Variants in AP2B1 observed in about 807,000 individuals in gnomAD.
AP2B1 encodes the protein adaptor related protein complex 2 subunit beta 1, also known as AP-2 complex subunit beta.
AP2B1 carries 23 observed loss-of-function variants against 102.0 expected under a neutral mutation model. The observed-to-expected ratio is 0.23, with a 90% CI of 0.16 to 0.32. The LOEUF (loss-of-function observed/expected upper bound fraction) is 0.32, where lower values mean the gene tolerates loss of function less well. Among genes scored for constraint, AP2B1 ranks in the 10% least tolerant of loss-of-function variants. The probability of loss-of-function intolerance (pLI) is 1.00; values close to 1 mark genes in which losing one functional copy is unlikely to be tolerated. For missense variants in AP2B1, 541 were observed against 1,157.4 expected, an observed-to-expected ratio of 0.47 and a Z score of 7.73; for synonymous variants, 381 against 421.2, an observed-to-expected ratio of 0.90 and a Z score of 1.17.
At chr17:35,639,825 C>T (rs1259217484) in intron 11 of AP2B1, 65 bp downstream of exon 11, 3 of 1,473,322 alleles carry the variant, frequency 2.0e-6, no homozygotes, top group Non-Finnish European at 1.9e-6. Flanking sequence ...TCAGAGAAAG[C>T]AAAGGTTATA....
In AP2B1 at chr17:35,653,351, CCTA is replaced by C. The variant is rs1224024153; in HGVS notation, c.1796+2564_1796+2566del. On this transcript the variant is annotated intron_variant, in intron 13 of 21. Coordinates refer to ENST00000610402, the MANE Select transcript of AP2B1 (RefSeq NM_001030006.2). ...CTTAATCCCCTGTTTTTACCACCAT[CCTA>C]CACTGACCCACACCCTCATGATTTC... 6.6e-5 allele frequency among the ~76,000 whole-genome samples: 10 copies of C among 152,278 alleles called. No homozygotes were observed. The East Asian group carries it at 1.9e-3, about 29-fold the overall frequency.
chr17:35,669,344 A>G (rs2075538863), intron 14 of AP2B1, among the ~76,000 whole-genome samples: 2 of 152,064 alleles, frequency 1.3e-5, no homozygotes, highest in African/African-American at 4.8e-5. Context: ...GGATTTCACC[A>G]TGTTGGCCAG....
Position 35,591,671 on chromosome 17 carries a change from T to C in AP2B1, c.-23-2337T>C, listed in dbSNP as rs181941808. 2.0e-3 allele frequency among the ~76,000 whole-genome samples: 308 copies of C among 152,362 alleles called. 1 individual carries two copies. Among genetic ancestry groups the C allele is most frequent in the Non-Finnish European group, 3.1e-3 (209 of 68,034 alleles). ...AGTAATCGTTTCTGTTTACTGGTTTTTCTGTTTGTATATATACATTCATAA... is the reference window on the plus strand; with the variant it reads ...AGTAATCGTTTCTGTTTACTGGTTTCTCTGTTTGTATATATACATTCATAA... On this transcript the variant is annotated intron_variant, in intron 1 of 21. Transcript: ENST00000610402.
In AP2B1 at chr17:35,624,412, G is replaced by C; in HGVS notation, c.541G>C (p.Val181Leu). Residue 181 changes from valine to leucine, a missense_variant, in exon 6 of 22, where the codon GTA becomes CTA. Around this residue, in one of 10 missense-constraint regions of AP2B1, gnomAD observed 134 missense variants for 250.2 expected, o/e 0.54. Coordinates refer to ENST00000610402, the MANE Select transcript of AP2B1 (RefSeq NM_001030006.2). The part of the protein sequence containing the change: ...DSNPMVVANA[V>L]AALSEISESH... ...TCTTTTCCAGGTGGTGGCTAATGCC[G>C]TAGCGGCATTATCTGAAATCAGTGA... 6.2e-7 allele frequency: 1 copy of C among 1,614,078 alleles called. No individual in the cohort carries two copies. The highest frequency in any genetic ancestry group is 1.1e-5 in the South Asian group (1 of 91,058).
intron 16 of AP2B1, among the ~76,000 whole-genome samples, chr17:35,673,499 A>G (rs1031506249): frequency 6.6e-6 from 1 of 151,846 alleles, no homozygotes; most frequent in Non-Finnish European, 1.5e-5. Context: ...AAATTTTTTT[A>G]TCTTTATTTT....
chr17:35,671,625 C>G, intron 15 of AP2B1, 129 bp from the exon 16 acceptor site: 1 of 933,874 alleles, frequency 1.1e-6, no homozygotes, highest in Non-Finnish European at 1.6e-6. Context: ...TAATTTGACT[C>G]CTAAGAATAT....
intron 5 of AP2B1, among the ~76,000 whole-genome samples, chr17:35,608,824 A>T (rs1401976521): frequency 6.6e-6 from 1 of 152,204 alleles, no homozygotes; most frequent in African/African-American, 2.4e-5. Flanking sequence ...CTAGGGCAAG[A>T]TTATTTTTAG....
intron 5 of AP2B1, among the ~76,000 whole-genome samples, chr17:35,617,228 G>A (rs1468825215): frequency 6.6e-6 from 1 of 152,086 alleles, no homozygotes; most frequent in Non-Finnish European, 1.5e-5. Flanking sequence ...GCTAAGTTTT[G>A]TATTTTTAGT....
Position 35,605,715 on chromosome 17 carries a change from C to A in AP2B1, c.154C>A (p.Pro52Thr). 1 of 1,610,538 alleles carries A rather than the reference C, an allele frequency of 6.2e-7. No homozygotes were observed. Among genetic ancestry groups the A allele is most frequent in the South Asian group, 1.1e-5 (1 of 90,384 alleles). The change falls in exon 4 of 22, where the codon CCA becomes ACA. Residue 52 changes from proline to threonine, a missense_variant. Transcript: ENST00000610402. ...ACCCTCTCTTCTCAGTTCTCTCTTT[C>A]CAGACGTAGTGAACTGTATGCAGAC... Reference protein sequence around the residue: ...TVGKDVSSLFPDVVNCMQTDN... With the variant: ...TVGKDVSSLFTDVVNCMQTDN...
At chr17:35,623,945 TGTA>T (rs569749848) in intron 5 of AP2B1, among the ~76,000 whole-genome samples, 154 of 152,282 alleles carry the variant, frequency 1.0e-3, no homozygotes, top group Non-Finnish European at 1.7e-3. Context: ...CTCTAAGACT[TGTA>T]GTATGATTAA....
intron 2 of AP2B1, among the ~76,000 whole-genome samples, chr17:35,597,517 T>C (rs997760506): frequency 1.4e-4 from 21 of 152,198 alleles, no homozygotes; most frequent in African/African-American, 5.1e-4. Flanking sequence ...TCTTGTTTGA[T>C]TGAATAGCAA....
chr17:35,664,380 A>G (rs1365804881), intron 14 of AP2B1, among the ~76,000 whole-genome samples: 1 of 152,172 alleles, frequency 6.6e-6, no homozygotes, highest in Non-Finnish European at 1.5e-5. Flanking sequence ...CAGCCTCCCA[A>G]GTAGCTGGGA....
At chr17:35,610,787 G>A (rs1439120554) in intron 5 of AP2B1, among the ~76,000 whole-genome samples, 1 of 151,798 alleles carries the variant, frequency 6.6e-6, no homozygotes, top group Non-Finnish European at 1.5e-5. Flanking sequence ...GGCGCCTATC[G>A]TCCCAGCTAC....
chr17:35,626,929 C>A, intron 7 of AP2B1, 87 bp downstream of exon 7: 1 of 1,267,936 alleles, frequency 7.9e-7, no homozygotes. Context: ...TAGTGTTAAT[C>A]TCTTTTTAAT....
intron 14 of AP2B1, among the ~76,000 whole-genome samples, chr17:35,662,106 C>T (rs113522561): frequency 0.01 from 1,541 of 152,162 alleles, 20 homozygotes; most frequent in African/African-American, 0.035. Flanking sequence ...GTAGGGTGGG[C>T]CATTGCTGTG....
chr17:35,596,545 G>A (rs11653354), intron 2 of AP2B1, among the ~76,000 whole-genome samples: 10,884 of 150,338 alleles, frequency 0.072, 459 homozygotes, highest in Middle Eastern at 0.11. Flanking sequence ...GAGGAGGGGA[G>A]GTCAGGTTTT....
chr17:35,636,625 G>A (rs2074614546), intron 10 of AP2B1, among the ~76,000 whole-genome samples, 169 bp downstream of exon 10: 1 of 152,196 alleles, frequency 6.6e-6, no homozygotes, highest in African/African-American at 2.4e-5. Context: ...TAAAACCTGA[G>A]TTTTCACTCT....
At chr17:35,601,565 G>T (rs926915932) in intron 3 of AP2B1, among the ~76,000 whole-genome samples, 1 of 152,040 alleles carries the variant, frequency 6.6e-6, no homozygotes, top group African/African-American at 2.4e-5. Flanking sequence ...CACCATGCCC[G>T]GCCAAGATTC....
chr17:35,711,050 G>A (rs587655918), intron 20 of AP2B1, among the ~76,000 whole-genome samples: 1 of 152,248 alleles, frequency 6.6e-6, no homozygotes, highest in Admixed American at 6.5e-5. Flanking sequence ...ACATGAAAGG[G>A]GTATCCCAAG....
Sources: allele counts gnomAD v4.1 joint callset (sites outside exome capture counted in the v4.1 genomes callset), GRCh38; gene constraint gnomAD v4.1.1; regional missense constraint gnomAD v4.1.1; transcripts MANE v1.5; gene names NCBI Gene and HGNC (gene_info 2026-07-23, HGNC 2026-07-21).